XNDC1N: variants seen among roughly 807,000 people sequenced by gnomAD.
XNDC1N encodes the protein protein XNDC1N.
At chr11:71,867,717 T>C in the XNDC1N span, among the ~76,000 whole-genome samples, 1 of 152,220 alleles carries the variant, frequency 6.6e-6, no homozygotes, top group Non-Finnish European at 1.5e-5. Flanking sequence ...AATCACATGG[T>C]TGATTTTAGA....
the XNDC1N span, among the ~76,000 whole-genome samples, chr11:71,871,906 C>T: frequency 6.6e-6 from 1 of 152,072 alleles, no homozygotes; most frequent in Non-Finnish European, 1.5e-5. Flanking sequence ...CTTTACAATG[C>T]TGATGGAAAT....
the XNDC1N span, chr11:71,893,349 G>C: frequency 1.7e-6 from 1 of 587,750 alleles, no homozygotes; most frequent in Non-Finnish European, 3.1e-6. Context: ...TGCTGGCGGT[G>C]TATGGTCCGC....
the XNDC1N span, among the ~76,000 whole-genome samples, chr11:71,902,931 C>A: frequency 6.6e-6 from 1 of 152,148 alleles, no homozygotes; most frequent in Non-Finnish European, 1.5e-5. Context: ...GTTCTTGGAA[C>A]GTTCTTGAAG....
chr11:71,908,315 CATCATTA>C, the XNDC1N span, among the ~76,000 whole-genome samples: 6 of 151,574 alleles, frequency 4.0e-5, no homozygotes, highest in African/African-American at 1.5e-4. Context: ...TAATATCAGG[CATCATTA>C]ATCATTAATA....
the XNDC1N span, among the ~76,000 whole-genome samples, chr11:71,873,870 AT>A: frequency 1.3e-5 from 2 of 152,196 alleles, no homozygotes; most frequent in African/African-American, 4.8e-5. Context: ...TTTAATTTGC[AT>A]TTTAGAAACA....
the XNDC1N span, chr11:71,916,152 T>C: frequency 2.0e-5 from 14 of 702,564 alleles, no homozygotes; most frequent in South Asian, 2.1e-4. Context: ...AACACACCCG[T>C]AGAAAGGCCA....
At chr11:71,901,364 T>G in the XNDC1N span, among the ~76,000 whole-genome samples, 1 of 152,068 alleles carries the variant, frequency 6.6e-6, no homozygotes, top group Non-Finnish European at 1.5e-5. Flanking sequence ...TTTGGGAGGC[T>G]GAGGCAGGCG....
At chr11:71,900,748 T>C in the XNDC1N span, among the ~76,000 whole-genome samples, 1 of 152,242 alleles carries the variant, frequency 6.6e-6, no homozygotes, top group African/African-American at 2.4e-5. Context: ...GGCTCTGAGC[T>C]CTGTGCTCTA....
At chr11:71,915,373 G>A in the XNDC1N span, among the ~76,000 whole-genome samples, 2 of 151,872 alleles carry the variant, frequency 1.3e-5, no homozygotes, top group African/African-American at 4.8e-5. Context: ...GCAAGAACCT[G>A]GGAGGTGGAG....
chr11:71,882,887 C>A, the XNDC1N span, among the ~76,000 whole-genome samples: 2 of 152,044 alleles, frequency 1.3e-5, no homozygotes, highest in Non-Finnish European at 2.9e-5. Context: ...AAACTAATAA[C>A]AAATTCAGTA....
At chr11:71,905,877 C>G in the XNDC1N span, among the ~76,000 whole-genome samples, 4 of 151,902 alleles carry the variant, frequency 2.6e-5, no homozygotes, top group Admixed American at 2.6e-4. Flanking sequence ...GTATGTACAC[C>G]CACTGTGATC....
At chr11:71,887,616 C>T in the XNDC1N span, among the ~76,000 whole-genome samples, 2 of 152,190 alleles carry the variant, frequency 1.3e-5, no homozygotes, top group African/African-American at 4.8e-5. Context: ...GGGCCGGTCC[C>T]CAGAGAAGCC....
chr11:71,919,953 T>C, the XNDC1N span, among the ~76,000 whole-genome samples: 1 of 94,058 alleles, frequency 1.1e-5, no homozygotes, highest in South Asian at 3.9e-4. Flanking sequence ...TTTTTTTTTT[T>C]TTTTTTTTTT....
the XNDC1N span, among the ~76,000 whole-genome samples, chr11:71,881,587 T>C: frequency 6.6e-6 from 1 of 151,938 alleles, no homozygotes; most frequent in African/African-American, 2.4e-5. Context: ...ATCAGCCATA[T>C]TGCACGAGGG....
chr11:71,912,174 C>G, the XNDC1N span, among the ~76,000 whole-genome samples: 3 of 152,132 alleles, frequency 2.0e-5, no homozygotes. Flanking sequence ...CAGCATGATG[C>G]GAGGCAAGGT....
the XNDC1N span, among the ~76,000 whole-genome samples, chr11:71,880,665 T>G: frequency 6.6e-6 from 1 of 152,216 alleles, no homozygotes; most frequent in African/African-American, 2.4e-5. Context: ...AAATTCTCTC[T>G]TAGCACTGTC....
chr11:71,914,656 C>T, the XNDC1N span, among the ~76,000 whole-genome samples: 1 of 150,900 alleles, frequency 6.6e-6, no homozygotes, highest in East Asian at 1.9e-4. Context: ...CATTGCACTC[C>T]AGTCCTAGGT....
At chr11:71,898,970 T>C in the XNDC1N span, among the ~76,000 whole-genome samples, 1 of 152,186 alleles carries the variant, frequency 6.6e-6, no homozygotes, top group Admixed American at 6.5e-5. Flanking sequence ...AGCAGTTGGA[T>C]GTTTAAAAAG....
chr11:71,876,743 G>T, the XNDC1N span, among the ~76,000 whole-genome samples: 48 of 152,298 alleles, frequency 3.2e-4, no homozygotes, highest in Non-Finnish European at 2.9e-4. Flanking sequence ...GTATTGCTTT[G>T]CAGTGTAAAC....
Sources: allele counts gnomAD v4.1 joint callset (sites outside exome capture counted in the v4.1 genomes callset), GRCh38; gene constraint gnomAD v4.1.1; transcripts MANE v1.5; gene names NCBI Gene and HGNC (gene_info 2026-07-23, HGNC 2026-07-21).